TENT2: variants seen among roughly 807,000 people sequenced by gnomAD.
The protein encoded by TENT2 is poly(A) RNA polymerase GLD2.
TENT2 carries 44 observed loss-of-function variants against 72.2 expected under a neutral mutation model. The ratio of observed to expected loss-of-function variants is 0.61; its 90% CI spans 0.48 to 0.78. The LOEUF is 0.78. Ranked by LOEUF, TENT2 falls within the 30% of genes least tolerant of loss-of-function variation. The pLI is 0.00. For synonymous variants in TENT2, 212 were observed against 192.5 expected (o/e 1.10, Z -0.84); for missense variants, 541 against 569.6 (o/e 0.95, Z 0.51).
chr5:79,621,341 A>G (rs1193437576), intron 3 of TENT2, among the ~76,000 whole-genome samples: 2 of 152,242 alleles, frequency 1.3e-5, no homozygotes, highest in African/African-American at 4.8e-5. Flanking sequence ...TAAAAGCACT[A>G]CAGGTTGTTC....
At chr5:79,651,731 C>G (rs1405388258) in intron 10 of TENT2, among the ~76,000 whole-genome samples, 2 of 151,992 alleles carry the variant, frequency 1.3e-5, no homozygotes, top group Non-Finnish European at 2.9e-5. Context: ...AATCTTGATT[C>G]TACCTTTAGA....
chr5:79,620,540 TCTG>T (rs1442565704), intron 3 of TENT2: 2 of 153,060 alleles, frequency 1.3e-5, no homozygotes, highest in African/African-American at 4.8e-5. Flanking sequence ...GTTGGTTTCT[TCTG>T]AGGCTTCTTT....
In TENT2 at chr5:79,686,769, C is replaced by G. The variant is rs1826178960; in HGVS notation, c.*1496C>G. 1 of 152,042 alleles carries G rather than the reference C, an allele frequency of 6.6e-6. No individual in the cohort carries two copies. The highest frequency in any genetic ancestry group is 6.6e-5 in the Admixed American group (1 of 15,266). The allele number at this position is 152,042 out of a possible 1,614,324, so 9.4% of individuals were successfully genotyped here. On this transcript the variant is annotated 3_prime_UTR_variant, in exon 15 of 15. Transcript: ENST00000453514. Reference sequence around the variant, plus strand: ...CTAACGACATCAATATCTTATGTCTCTGGCATTATGAGGAATGAAAGTTTA... The same window carrying G: ...CTAACGACATCAATATCTTATGTCTGTGGCATTATGAGGAATGAAAGTTTA...
intron 4 of TENT2, among the ~76,000 whole-genome samples, chr5:79,639,955 A>G (rs1259347840): frequency 6.6e-6 from 1 of 152,116 alleles, no homozygotes; most frequent in African/African-American, 2.4e-5. Flanking sequence ...GAACCAGATC[A>G]GTAGATAAAA....
At chr5:79,659,556 G>GTATA (rs71855117) in intron 11 of TENT2, among the ~76,000 whole-genome samples, 3,546 of 33,992 alleles carry the variant, frequency 0.1, 424 homozygotes, top group Middle Eastern at 0.12. Context: ...AAAAAAAAAT[G>GTATA]TATATATATA....
At chr5:79,667,161 T>G (rs1808861174) in intron 11 of TENT2, among the ~76,000 whole-genome samples, 3 of 152,190 alleles carry the variant, frequency 2.0e-5, no homozygotes, top group African/African-American at 7.2e-5. Context: ...ATAAAGATTT[T>G]AAAGGAAGTA....
Position 79,640,180 on chromosome 5 carries a change from C to T in TENT2, c.466-671C>T, listed in dbSNP as rs963252962. ...CTGAGGCAGGAGAACCGCTTGAACC[C>T]AGGAGGCTGAGGTTGCAGTGAGCCG... On this transcript the variant is annotated intron_variant, in intron 4 of 14. Coordinates refer to ENST00000453514, the MANE Select transcript of TENT2 (RefSeq NM_001114394.3). Among the ~76,000 whole-genome samples, 6 of 151,374 alleles carry T rather than the reference C, an allele frequency of 4.0e-5. 1 individual carries two copies. In the South Asian group the frequency reaches 1.3e-3, roughly 32 times the overall value.
intron 14 of TENT2, among the ~76,000 whole-genome samples, chr5:79,683,788 C>T (rs1416397224): frequency 5.3e-5 from 8 of 149,656 alleles, no homozygotes; most frequent in African/African-American, 1.5e-4. Context: ...GGTGTAGTGG[C>T]GGGCGCCTGT....
At chr5:79,634,947 A>T (rs377058898) in intron 4 of TENT2, among the ~76,000 whole-genome samples, 3 of 151,998 alleles carry the variant, frequency 2.0e-5, no homozygotes, top group East Asian at 1.9e-4. Context: ...CCTCCTCAGT[A>T]GCTGATACTA....
At chr5:79,639,938 A>G (rs777024009) in intron 4 of TENT2, among the ~76,000 whole-genome samples, 5 of 152,086 alleles carry the variant, frequency 3.3e-5, no homozygotes, top group Non-Finnish European at 7.4e-5. Flanking sequence ...GCTGGAGGGA[A>G]AAGTGTGAAC....
At chr5:79,623,030 G>T (rs1205474953) in intron 3 of TENT2, among the ~76,000 whole-genome samples, 1 of 150,220 alleles carries the variant, frequency 6.7e-6, no homozygotes, top group Non-Finnish European at 1.5e-5. Flanking sequence ...TATACATGTA[G>T]TTTTTTCTGT....
At chr5:79,652,469 G>C (rs1391301663) in intron 10 of TENT2, among the ~76,000 whole-genome samples, 1 of 152,018 alleles carries the variant, frequency 6.6e-6, no homozygotes, top group East Asian at 1.9e-4. Context: ...GTTTAGCAAA[G>C]TTCTCTGTAC....
chr5:79,684,294 A>AT (rs995031298), intron 14 of TENT2, among the ~76,000 whole-genome samples: 2 of 152,212 alleles, frequency 1.3e-5, no homozygotes. Context: ...AATACTATAT[A>AT]TTTTTTTGAG....
chr5:79,623,263 A>C lies in TENT2; in HGVS notation c.239A>C (p.Asp80Ala). The part of the protein sequence containing the change: ...PLFRGRKRLS[D>A]EKNLPLDGKR... ...TTGCTTGTTTTCAGGAGATTAAGCG[A>C]TGAAAAAAACCTTCCTCTTGACGGT... The change falls in exon 4 of 15, where the codon GAT (aspartate) becomes GCT (alanine). Residue 80 changes from aspartate to alanine, a missense_variant. Physicochemically the swap from Asp to Ala is moderately radical, Grantham distance 126. Coordinates refer to ENST00000453514, the MANE Select transcript of TENT2 (RefSeq NM_001114394.3). 6.2e-7 allele frequency: 1 copy of C among 1,611,626 alleles called. No individual in the cohort carries two copies. Among genetic ancestry groups the C allele is most frequent in the Non-Finnish European group, 8.5e-7 (1 of 1,178,900 alleles).
intron 3 of TENT2, among the ~76,000 whole-genome samples, chr5:79,623,029 A>G (rs1766397650): frequency 1.3e-5 from 2 of 150,678 alleles, no homozygotes; most frequent in African/African-American, 2.5e-5. Flanking sequence ...ATATACATGT[A>G]GTTTTTTCTG....
At chr5:79,669,068 G>T (rs1001872298) in intron 12 of TENT2, 40 bp downstream of exon 12, 1 of 1,594,840 alleles carries the variant, frequency 6.3e-7, no homozygotes, top group Non-Finnish European at 8.6e-7. Context: ...ACTTATATGT[G>T]TGTGTGTGTG....
At chr5:79,624,337 A>G (rs1032045622) in intron 4 of TENT2, among the ~76,000 whole-genome samples, 1 of 152,200 alleles carries the variant, frequency 6.6e-6, no homozygotes, top group Admixed American at 6.5e-5. Context: ...GTGTACAGAA[A>G]TGTTGGGTCA....
rs1382835426 is a variant in TENT2, at chr5:79,623,453, A to G, written c.429A>G (p.Glu143=). 1.2e-6 allele frequency: 2 copies of G among 1,610,786 alleles called. No individual in the cohort carries two copies. The highest frequency in any genetic ancestry group is 1.7e-6 in the Non-Finnish European group (2 of 1,178,304). ...CTTTTCGAGAAATTGCATTTTTAGAACCTAGAGAAATCACACTGCCTGAGG... is the reference window on the plus strand; with the variant it reads ...CTTTTCGAGAAATTGCATTTTTAGAGCCTAGAGAAATCACACTGCCTGAGG... ...VPPFREIAFL[E]PREITLPEAK... is the part of the protein sequence containing the mutation. Residue 143 remains glutamate, a synonymous_variant, in exon 4 of 15, where the codon GAA becomes GAG. Coordinates refer to ENST00000453514, the MANE Select transcript of TENT2 (RefSeq NM_001114394.3).
At chr5:79,619,558 G>A in intron 1 of TENT2, 54 bp from the exon 2 acceptor site, 2 of 1,269,042 alleles carry the variant, frequency 1.6e-6, no homozygotes, top group Non-Finnish European at 2.1e-6. Flanking sequence ...TTATCAAAGT[G>A]TTTAGTGTCT....
Sources: allele counts gnomAD v4.1 joint callset (sites outside exome capture counted in the v4.1 genomes callset), GRCh38; gene constraint gnomAD v4.1.1; transcripts MANE v1.5; gene names NCBI Gene and HGNC (gene_info 2026-07-23, HGNC 2026-07-21).